Variants in AMPD3 observed in about 807,000 individuals in gnomAD.
The protein encoded by AMPD3 is AMP deaminase 3.
A neutral mutation model predicts 82.3 loss-of-function variants in AMPD3; 57 were observed. That is an observed-to-expected ratio of 0.69 (90% confidence interval 0.56 to 0.86). The LOEUF (loss-of-function observed/expected upper bound fraction) is 0.86. Ranked by LOEUF, AMPD3 falls within the 40% of genes least tolerant of loss-of-function variation. AMPD3 has a pLI of 0.00. For synonymous variants in AMPD3, 381 were observed against 394.7 expected, an observed-to-expected ratio of 0.97 and a Z score of 0.41; for missense variants, 870 against 1,003.8, an observed-to-expected ratio of 0.87 and a Z score of 1.80.
intron 3 of AMPD3, chr11:10,481,307 C>T (rs927865033): frequency 2.4e-5 from 9 of 371,922 alleles, no homozygotes; most frequent in East Asian, 1.6e-4. Context: ...TGTTTTGTTT[C>T]GCCATCTGAA....
intron 2 of AMPD3, among the ~76,000 whole-genome samples, chr11:10,472,585 A>G (rs12800954): frequency 0.16 from 23,611 of 152,220 alleles, 2,121 homozygotes; most frequent in Middle Eastern, 0.21. Context: ...AGCACAGCTA[A>G]AGTGTTGCTA....
chr11:10,472,868 G>A (rs1848634425), intron 2 of AMPD3, among the ~76,000 whole-genome samples: 1 of 152,020 alleles, frequency 6.6e-6, no homozygotes. Flanking sequence ...GCTGGGTGTG[G>A]TGGCACATGT....
chr11:10,463,845 G>A (rs1185696466), intron 2 of AMPD3, among the ~76,000 whole-genome samples: 1 of 152,192 alleles, frequency 6.6e-6, no homozygotes, highest in African/African-American at 2.4e-5. Flanking sequence ...TGCGCCATTT[G>A]ACTAGACGCT....
intron 6 of AMPD3, among the ~76,000 whole-genome samples, 170 bp from the exon 7 acceptor site, chr11:10,493,179 C>G (rs114282583): frequency 0.014 from 2,129 of 152,248 alleles, 47 homozygotes; most frequent in African/African-American, 0.046. Context: ...GGGAGGGATA[C>G]CAGTTCCGAA....
At chr11:10,451,495 A>G (rs1265280195), upstream of AMPD3, among the ~76,000 whole-genome samples, 1 of 152,168 alleles carries the variant, frequency 6.6e-6, no homozygotes, top group African/African-American at 2.4e-5. Flanking sequence ...CTCTCCCGGC[A>G]AGGGAGGTGT....
chr11:10,472,898 G>A (rs537808652), intron 2 of AMPD3, among the ~76,000 whole-genome samples: 12 of 152,100 alleles, frequency 7.9e-5, no homozygotes, highest in Non-Finnish European at 1.5e-4. Context: ...CAGCAACTCC[G>A]GAGGCTGAGG....
chr11:10,495,629 C>G lies in AMPD3; in HGVS notation c.1326C>G (p.Ile442Met). 6.2e-7 allele frequency: 1 copy of G among 1,613,970 alleles called. No individual in the cohort carries two copies. Among genetic ancestry groups the G allele is most frequent in the Non-Finnish European group, 8.5e-7 (1 of 1,180,034 alleles). ...KYQYSEPRLS[I>M]YGRSPEEWPN... is the part of the protein sequence containing the mutation. ...AGTACTCAGAGCCACGGCTCTCCAT[C>G]TACGGCCGCAGTCCTGAGGAGTGGC... The change falls in exon 9 of 15, where the codon ATC (isoleucine) becomes ATG (methionine). Residue 442 changes from isoleucine to methionine, a missense_variant. Physicochemically the swap from Ile to Met is conservative, Grantham distance 10 (BLOSUM62 1). Transcript: ENST00000396553.
At chr11:10,501,328 G>A in intron 11 of AMPD3, 142 bp from the exon 12 acceptor site, 1 of 1,450,474 alleles carries the variant, frequency 6.9e-7, no homozygotes, top group African/African-American at 1.4e-5. Flanking sequence ...TTTAGGAGGG[G>A]TAGTTTCCAG....
chr11:10,453,975 C>G (rs934491781), upstream of AMPD3, among the ~76,000 whole-genome samples: 1 of 152,108 alleles, frequency 6.6e-6, no homozygotes, highest in East Asian at 1.9e-4. Flanking sequence ...AAAGGGGATG[C>G]AGTCTAGTCT....
At chr11:10,497,700 T>A (rs11602933) in intron 10 of AMPD3, 284,353 of 984,282 alleles carry the variant, frequency 0.29, 41,744 homozygotes, top group African/African-American at 0.35. Flanking sequence ...TTGTGTGGAG[T>A]TGGCCCAGAA....
At chr11:10,502,039 G>A in intron 12 of AMPD3, 1 of 985,388 alleles carries the variant, frequency 1.0e-6, no homozygotes, top group African/African-American at 1.7e-5. Context: ...GTCTGTAATT[G>A]ACTCAACCAG....
intron 4 of AMPD3, among the ~76,000 whole-genome samples, chr11:10,482,688 T>A (rs573416287): frequency 5.2e-3 from 73 of 14,014 alleles, no homozygotes; most frequent in Non-Finnish European, 2.9e-4. Context: ...ATTAAAAAAA[T>A]ATATATTATT....
intron 1 of AMPD3, among the ~76,000 whole-genome samples, 184 bp downstream of exon 1, chr11:10,455,632 C>A (rs778678041): frequency 2.0e-5 from 3 of 152,160 alleles, no homozygotes; most frequent in Non-Finnish European, 4.4e-5. Flanking sequence ...TTCATCCTAG[C>A]CTGCCCCTGT....
chr11:10,463,503 A>G (rs1238486889), intron 2 of AMPD3, among the ~76,000 whole-genome samples: 2 of 152,252 alleles, frequency 1.3e-5, no homozygotes, highest in African/African-American at 2.4e-5. Context: ...AGAAGGGCTG[A>G]CTTCATCAAG....
At chr11:10,499,847 T>G (rs1849525753) in intron 10 of AMPD3, 5 of 985,380 alleles carry the variant, frequency 5.1e-6, no homozygotes, top group Non-Finnish European at 6.0e-6. Flanking sequence ...GGCTTGGCAC[T>G]CTCCTGTCTC....
At chr11:10,495,102 C>T in intron 8 of AMPD3, 72 bp downstream of exon 8, 1 of 1,612,476 alleles carries the variant, frequency 6.2e-7, no homozygotes, top group Non-Finnish European at 8.5e-7. Flanking sequence ...AGTGGGGGCC[C>T]TGTGTGCCCC....
chr11:10,490,081 G>C (rs1849197940), intron 6 of AMPD3, among the ~76,000 whole-genome samples: 1 of 152,142 alleles, frequency 6.6e-6, no homozygotes, highest in Non-Finnish European at 1.5e-5. Context: ...GTGGCTATTG[G>C]TGTCCCTGGG....
In AMPD3 at chr11:10,482,179, G is replaced by A; in HGVS notation, c.543G>A (p.Leu181=). The A allele has an allele frequency of 6.2e-7, 1 of 1,613,712 alleles. No individual in the cohort carries two copies. The highest frequency in any genetic ancestry group is 1.3e-5 in the African/African-American group (1 of 75,060). The change falls in exon 4 of 15, where the codon CTG becomes CTA. Residue 181 remains leucine, a synonymous_variant. Transcript: ENST00000396553. Reference sequence around the variant, plus strand: ...TCCCGCGGATCACATCCCAGTACCTGGGTCATCCGCGGGCGGATACTGCAC... The same window carrying A: ...TCCCGCGGATCACATCCCAGTACCTAGGTCATCCGCGGGCGGATACTGCAC... ...HRFPRITSQY[L]GHPRADTAPP...
intron 2 of AMPD3, among the ~76,000 whole-genome samples, chr11:10,466,956 A>T (rs901052884): frequency 9.2e-5 from 14 of 152,206 alleles, no homozygotes; most frequent in African/African-American, 3.4e-4. Flanking sequence ...TGTTAGGAGG[A>T]AATCTAACAA....
Sources: gnomAD v4.1 joint callset for allele counts (sites outside exome capture counted in the v4.1 genomes callset) on GRCh38, gnomAD v4.1.1 for gene constraint, MANE v1.5 for transcripts, NCBI Gene and HGNC (gene_info 2026-07-23, HGNC 2026-07-21) for gene names.